Variants in FBLN1 observed in about 807,000 individuals in gnomAD.
FBLN1 encodes fibulin-1.
Under a neutral mutation model 89.7 loss-of-function variants are expected in FBLN1, and 34 were observed. The observed-to-expected ratio is 0.38, with a 90% CI of 0.29 to 0.50. FBLN1 has a LOEUF of 0.50. Among genes scored for constraint, FBLN1 ranks in the 20% least tolerant of loss-of-function variants. The pLI, the probability that FBLN1 is intolerant of heterozygous loss-of-function variation, is 0.92. For synonymous variants in FBLN1, 393 were observed against 391.3 expected, an observed-to-expected ratio of 1.00 and a Z score of -0.05; for missense variants, 777 against 988.1, an observed-to-expected ratio of 0.79 and a Z score of 2.86.
At chr22:45,521,558 C>T (rs2088250814) in intron 2 of FBLN1, among the ~76,000 whole-genome samples, 1 of 152,244 alleles carries the variant, frequency 6.6e-6, no homozygotes, top group Non-Finnish European at 1.5e-5. Context: ...TGTGTGCTTC[C>T]CCTTTACCCT....
intron 14 of FBLN1, among the ~76,000 whole-genome samples, chr22:45,555,758 T>C (rs2088780580): frequency 6.6e-6 from 1 of 152,186 alleles, no homozygotes. Flanking sequence ...CCTGAGATCA[T>C]ACATAATCTT....
chr22:45,553,732 CTG>C (rs987667030), intron 14 of FBLN1, among the ~76,000 whole-genome samples: 15 of 152,190 alleles, frequency 9.9e-5, no homozygotes, highest in African/African-American at 2.9e-4. Flanking sequence ...TGAGGAATGA[CTG>C]TGTGGGGTCG....
rs1445768672 is a variant in FBLN1, at chr22:45,590,592, G to A, written c.1973-9715G>A. On this transcript the variant is annotated intron_variant, in intron 16 of 16. Transcript: ENST00000327858. The surrounding 1 kb of genome is among the most constrained non-coding windows in gnomAD (Gnocchi z 4.1). The stretch of plus-strand genomic sequence containing the variant: ...AGCACAGTGGGAAGAGGCATGGGAG[G>A]GGTGAAAAGGAAGGTGGTACACGTG... Among the ~76,000 whole-genome samples the A allele has an allele frequency of 6.6e-6, 1 of 152,200 alleles. No homozygotes were observed. The highest frequency in any genetic ancestry group is 1.5e-5 in the Non-Finnish European group (1 of 68,048).
rs1232112093 is a variant in FBLN1 at position 45,556,723 on chromosome 22, GAGGAGCTTCA to G, written c.1697+6111_1697+6120del. On this transcript the variant is annotated intron_variant, in intron 14 of 16. Coordinates refer to ENST00000327858, the MANE Select transcript of FBLN1 (RefSeq NM_006486.3). This position sits in a 1 kb window ranked among gnomAD's most constrained non-coding sequence, Gnocchi z 4.6. ...TCTTAGCCTGTTGACTTAAAGGTAG[GAGGAGCTTCA>G]AGTGTCCAGGTGGCAATCTTAATTT... Among the ~76,000 whole-genome samples the G allele has an allele frequency of 2.6e-5, 4 of 152,250 alleles. No homozygotes were observed. The South Asian group carries it at 6.2e-4, about 24-fold the overall frequency.
chr22:45,532,955 G>T lies in FBLN1; in HGVS notation c.545-108G>T. On this transcript the variant is annotated intron_variant, in intron 5 of 16. Transcript: ENST00000327858. The surrounding 1 kb of genome is among the most constrained non-coding windows in gnomAD (Gnocchi z 4.2). ...TCCAGCCAGGTCAGCCTGCCTTCCT[G>T]GGTTCGTCTGCCCAGAGGGCGTTTT... 2 of 988,420 alleles carry T rather than the reference G, an allele frequency of 2.0e-6. No homozygotes were observed. Among genetic ancestry groups the T allele is most frequent in the Non-Finnish European group, 3.1e-6 (2 of 639,454 alleles). 61.2% of individuals were successfully genotyped at this position (988,420 alleles called of 1,614,324 possible).
intron 2 of FBLN1, among the ~76,000 whole-genome samples, chr22:45,520,677 C>A (rs1008019621): frequency 6.6e-6 from 1 of 152,188 alleles, no homozygotes; most frequent in Non-Finnish European, 1.5e-5. Flanking sequence ...CCCGTGTAAC[C>A]CCTCAACGTG....
intron 8 of FBLN1, among the ~76,000 whole-genome samples, chr22:45,540,461 T>C (rs761586591): frequency 3.9e-5 from 6 of 152,158 alleles, no homozygotes; most frequent in Non-Finnish European, 7.4e-5. Context: ...CCTTTCTGAC[T>C]TACGCTCAGG....
At chr22:45,552,895 C>T (rs867540509) in intron 14 of FBLN1, among the ~76,000 whole-genome samples, 2 of 152,164 alleles carry the variant, frequency 1.3e-5, no homozygotes, top group Middle Eastern at 3.2e-3. Context: ...TTCATGGGGC[C>T]GGACACATCC....
chr22:45,527,474 G>T (rs932405702), intron 3 of FBLN1, among the ~76,000 whole-genome samples: 1 of 152,132 alleles, frequency 6.6e-6, no homozygotes, highest in African/African-American at 2.4e-5. Flanking sequence ...AAAAGGAACA[G>T]AACTTTGGAG....
rs556601599 is a variant in FBLN1 at position 45,581,679 on chromosome 22, G to A, written c.1972+4571G>A. On this transcript the variant is annotated intron_variant, in intron 16 of 16. Coordinates refer to ENST00000327858, the MANE Select transcript of FBLN1 (RefSeq NM_006486.3). This position sits in a 1 kb window ranked among gnomAD's most constrained non-coding sequence, Gnocchi z 7.6. Reference sequence around the variant, plus strand: ...TTTTTGCAGGCCAGCCCCTCCTGTCGCACGGGCATGACCATGGGGCAGTCA... The same window carrying A: ...TTTTTGCAGGCCAGCCCCTCCTGTCACACGGGCATGACCATGGGGCAGTCA... 5.9e-5 allele frequency among the ~76,000 whole-genome samples: 9 copies of A among 152,046 alleles called. No homozygotes were observed. The highest frequency in any genetic ancestry group is 4.8e-5 in the African/African-American group (2 of 41,424).
chr22:45,596,720 A>G (rs988567407), intron 16 of FBLN1, among the ~76,000 whole-genome samples: 3 of 147,832 alleles, frequency 2.0e-5, no homozygotes, highest in African/African-American at 7.4e-5. Flanking sequence ...TATATTTTAT[A>G]TATAAATTTT....
At chr22:45,518,241 G>A (rs1414803073) in intron 1 of FBLN1, among the ~76,000 whole-genome samples, 2 of 151,892 alleles carry the variant, frequency 1.3e-5, no homozygotes, top group African/African-American at 4.8e-5. Flanking sequence ...AAAGAGTCAT[G>A]TCGGCTGTTC....
chr22:45,570,056 T>G lies in FBLN1; in HGVS notation c.1698-4455T>G, dbSNP rs577381055. ...AACATAGAAGAAAAATGGGGCCGGG[T>G]GCCCTGTAATCCCAGCATTTTGGGA... On this transcript the variant is annotated intron_variant, in intron 14 of 16. Transcript: ENST00000327858. Among the ~76,000 whole-genome samples, 5 of 151,704 alleles carry G rather than the reference T, an allele frequency of 3.3e-5. No individual in the cohort carries two copies. In the East Asian group the frequency reaches 9.7e-4, roughly 29 times the overall value.
rs2089193879 is a variant in FBLN1, at chr22:45,597,084, C to T, written c.1973-3223C>T. On this transcript the variant is annotated intron_variant, in intron 16 of 16. Transcript: ENST00000327858. This position sits in a 1 kb window ranked among gnomAD's most constrained non-coding sequence, Gnocchi z 4.2. ...TGGCACAATCTTGGCTCATTGCAACCTTGACCTTCCCGGGCTCAAACAATT... is the reference window on the plus strand; with the variant it reads ...TGGCACAATCTTGGCTCATTGCAACTTTGACCTTCCCGGGCTCAAACAATT... Among the ~76,000 whole-genome samples the T allele has an allele frequency of 6.6e-6, 1 of 151,984 alleles. No homozygotes were observed. The highest frequency in any genetic ancestry group is 2.4e-5 in the African/African-American group (1 of 41,390).
chr22:45,573,450 C>T (rs563242173), intron 14 of FBLN1, among the ~76,000 whole-genome samples: 3 of 150,358 alleles, frequency 2.0e-5, no homozygotes, highest in Non-Finnish European at 3.0e-5. Flanking sequence ...CTGAGGTGGG[C>T]GGATCACAAG....
intron 14 of FBLN1, among the ~76,000 whole-genome samples, chr22:45,555,292 A>ATAT (rs1569254431): frequency 1.4e-5 from 2 of 141,776 alleles, no homozygotes; most frequent in African/African-American, 5.7e-5. Flanking sequence ...TATATATATA[A>ATAT]AATGGAATAT....
chr22:45,526,480 C>T (rs945897846), intron 3 of FBLN1, among the ~76,000 whole-genome samples: 21 of 152,148 alleles, frequency 1.4e-4, no homozygotes, highest in Non-Finnish European at 2.5e-4. Context: ...TGGAGGAGCT[C>T]GGGTTTGGAA....
intron 1 of FBLN1, among the ~76,000 whole-genome samples, chr22:45,513,825 G>C (rs2088133724): frequency 6.6e-6 from 1 of 151,600 alleles, no homozygotes; most frequent in African/African-American, 2.4e-5. Flanking sequence ...ACGGAGTCTT[G>C]CTCTGTCGCC....
Position 45,548,603 on chromosome 22 carries a change from G to C in FBLN1, c.1442-10G>C. The stretch of plus-strand genomic sequence containing the variant: ...GGACACTGAGGCTGAGGTGGGCTTT[G>C]CCGTTGCAGACATCGACGAGTGCGC... On this transcript the variant is annotated splice_polypyrimidine_tract_variant and intron_variant, in intron 12 of 16. Coordinates refer to ENST00000327858, the MANE Select transcript of FBLN1 (RefSeq NM_006486.3). The C allele has an allele frequency of 6.2e-7, 1 of 1,613,498 alleles. No homozygotes were observed. Among genetic ancestry groups the C allele is most frequent in the Non-Finnish European group, 8.5e-7 (1 of 1,179,970 alleles).
Sources: allele counts gnomAD v4.1 joint callset (sites outside exome capture counted in the v4.1 genomes callset), GRCh38; gene constraint gnomAD v4.1.1; non-coding constraint Gnocchi (gnomAD v3.1); transcripts MANE v1.5; gene names NCBI Gene and HGNC (gene_info 2026-07-23, HGNC 2026-07-21).